Variants in MUC22 observed in about 807,000 individuals in gnomAD.
The protein encoded by MUC22 is mucin-22.
A neutral mutation model predicts 40.3 loss-of-function variants in MUC22; 24 were observed. The ratio of observed to expected loss-of-function variants is 0.60; its 90% CI spans 0.43 to 0.84. The LOEUF (loss-of-function observed/expected upper bound fraction) is 0.84, where lower values mean the gene tolerates loss of function less well. Ranked by LOEUF, MUC22 falls within the 40% of genes least tolerant of loss-of-function variation. The pLI is 0.00. For synonymous variants in MUC22, 765 were observed against 844.5 expected, an observed-to-expected ratio of 0.91 and a Z score of 1.63; for missense variants, 1,926 against 2,130.7, an observed-to-expected ratio of 0.90 and a Z score of 1.89.
At chr6:31,030,157 C>T in intron 2 of MUC22, 57 bp downstream of exon 2, 1 of 1,443,884 alleles carries the variant, frequency 6.9e-7, no homozygotes, top group South Asian at 1.4e-5. Flanking sequence ...TGGCAACCAC[C>T]AGCTGTTCAC....
In MUC22 at chr6:31,011,057, G is replaced by C. The variant is rs28360975; in HGVS notation, c.70+281G>C. Reference sequence around the variant, plus strand: ...GTGGGGCGGTGCTGGGGAAATGGAGGGGGGTGAGATTTTACTTTCCTTTGT... The same window carrying C: ...GTGGGGCGGTGCTGGGGAAATGGAGCGGGGTGAGATTTTACTTTCCTTTGT... On this transcript the variant is annotated intron_variant, in intron 1 of 3. Transcript: ENST00000561890. This position sits in a 1 kb window ranked among gnomAD's most constrained non-coding sequence, Gnocchi z 4.5. 3.3e-5 allele frequency among the ~76,000 whole-genome samples: 5 copies of C among 151,614 alleles called. No individual in the cohort carries two copies. Among genetic ancestry groups the C allele is most frequent in the Non-Finnish European group, 5.9e-5 (4 of 67,968 alleles).
At chr6:31,018,516 CA>C (rs1029511492) in intron 1 of MUC22, among the ~76,000 whole-genome samples, 1 of 127,792 alleles carries the variant, frequency 7.8e-6, no homozygotes, top group Non-Finnish European at 1.7e-5. Context: ...CTATTACCTT[CA>C]AAAAAACAAA....
intron 1 of MUC22, among the ~76,000 whole-genome samples, chr6:31,012,813 G>A (rs1292638593): frequency 6.6e-6 from 1 of 151,832 alleles, no homozygotes; most frequent in Non-Finnish European, 1.5e-5. Context: ...CCGTCTCAGG[G>A]GCTTTGCTCA....
At chr6:31,017,373 T>A (rs1449888864) in intron 1 of MUC22, among the ~76,000 whole-genome samples, 1 of 152,150 alleles carries the variant, frequency 6.6e-6, no homozygotes, top group African/African-American at 2.4e-5. Context: ...ATCAGCACCC[T>A]GTGTCTAGCT....
chr6:31,030,859 G>A (rs1766010878), intron 2 of MUC22, among the ~76,000 whole-genome samples: 1 of 152,186 alleles, frequency 6.6e-6, no homozygotes, highest in Admixed American at 6.5e-5. Context: ...GTTTTGTAAA[G>A]TTTTACTGGA....
At chr6:31,021,877 T>A (rs1438760354) in intron 1 of MUC22, among the ~76,000 whole-genome samples, 2 of 150,922 alleles carry the variant, frequency 1.3e-5, no homozygotes, top group African/African-American at 4.8e-5. Context: ...ACTTTGTTCT[T>A]TTGCTCTTTG....
At chr6:31,026,959 A>G in exon 2 of MUC22, 1 of 1,493,740 alleles carries the variant, frequency 6.7e-7, no homozygotes. Context: ...TGCAGCCTCT[A>G]CTGAAGATTC....
intron 1 of MUC22, among the ~76,000 whole-genome samples, chr6:31,012,142 C>G (rs1188375520): frequency 6.6e-6 from 1 of 152,188 alleles, no homozygotes; most frequent in African/African-American, 2.4e-5. Flanking sequence ...ATTGGCTCAT[C>G]CATTCCATTG....
chr6:31,014,606 T>C (rs1764070787), intron 1 of MUC22, among the ~76,000 whole-genome samples: 1 of 152,160 alleles, frequency 6.6e-6, no homozygotes, highest in South Asian at 2.1e-4. Flanking sequence ...TATGCACTGT[T>C]AGGGTAATGC....
exon 2 of MUC22, chr6:31,027,259 A>G: frequency 6.6e-7 from 1 of 1,512,686 alleles, no homozygotes; most frequent in Non-Finnish European, 8.8e-7. Flanking sequence ...CACAGCCTCC[A>G]TCATGGGCTC....
Position 31,032,472 on chromosome 6 carries a change from C to G in MUC22, c.4946C>G (p.Thr1649Arg). The G allele has an allele frequency of 6.5e-7, 1 of 1,535,718 alleles. No homozygotes were observed. Among genetic ancestry groups the G allele is most frequent in the Non-Finnish European group, 8.7e-7 (1 of 1,146,918 alleles). ...ACAGTTAGCATGAGCCACACACCCACAAACGTGATCAAACCAAGTGGATAT... is the reference window on the plus strand; with the variant it reads ...ACAGTTAGCATGAGCCACACACCCAGAAACGTGATCAAACCAAGTGGATAT... Residue 1649 changes from threonine to arginine, a missense_variant, in exon 3 of 4, where the codon ACA becomes AGA. Thr to Arg is a moderately conservative substitution (Grantham distance 71, BLOSUM62 -1). Around this residue, in one of 3 missense-constraint regions of MUC22, gnomAD observed 610 missense variants for 714.6 expected, o/e 0.85. Coordinates refer to ENST00000561890, the Ensembl canonical transcript of MUC22. The surrounding 1 kb of genome is among the most constrained non-coding windows in gnomAD (Gnocchi z 4.1).
At position 31,025,500 on chromosome 6, in the gene MUC22, A is replaced by T; in HGVS notation, c.71-2A>T. On this transcript the variant is annotated splice_acceptor_variant, in intron 1 of 3. Transcript: ENST00000561890. LOFTEE classifies it high-confidence loss of function. ...CACCACCTTATTTGTTCTCCACCTC[A>T]GGCTCTGAGAATACCACAGCCTTCA... 3 of 1,487,796 alleles carry T rather than the reference A, an allele frequency of 2.0e-6. No individual in the cohort carries two copies. Among genetic ancestry groups the T allele is most frequent in the Non-Finnish European group, 1.8e-6 (2 of 1,127,956 alleles). The allele number at this position is 1,487,796 out of a possible 1,614,324, so 92.2% of individuals were successfully genotyped here. A position where few individuals can be genotyped will look rare whatever the true frequency, so the allele number is the denominator to read the frequency against.
chr6:31,008,795 C>G (rs1487015822), upstream of MUC22, among the ~76,000 whole-genome samples: 1 of 152,100 alleles, frequency 6.6e-6, no homozygotes, highest in African/African-American at 2.4e-5. Flanking sequence ...AACCCGCCCA[C>G]CTTGGCTTCC....
chr6:31,030,871 C>T (rs1483993087), intron 2 of MUC22, among the ~76,000 whole-genome samples: 4 of 152,224 alleles, frequency 2.6e-5, no homozygotes, highest in African/African-American at 9.6e-5. Context: ...TTTACTGGAA[C>T]ATAGTCATGC....
intron 1 of MUC22, among the ~76,000 whole-genome samples, chr6:31,021,660 T>A (rs757707810): frequency 2.0e-5 from 3 of 152,032 alleles, no homozygotes; most frequent in Non-Finnish European, 2.9e-5. Context: ...TCTGTGTCCA[T>A]ATTCTGTATC....
chr6:31,018,973 C>T (rs9262497), intron 1 of MUC22, among the ~76,000 whole-genome samples: 67,825 of 152,020 alleles, frequency 0.45, 15,346 homozygotes, highest in East Asian at 0.55. Flanking sequence ...CCCAGACAAG[C>T]GATCTCAGTC....
chr6:31,008,371 C>A (rs1244085441), upstream of MUC22, among the ~76,000 whole-genome samples: 1 of 152,100 alleles, frequency 6.6e-6, no homozygotes, highest in African/African-American at 2.4e-5. Flanking sequence ...GCTTGAAGGG[C>A]CGAAGTCTTG....
chr6:31,031,019 G>C (rs1766022364), intron 2 of MUC22, among the ~76,000 whole-genome samples: 3 of 152,214 alleles, frequency 2.0e-5, no homozygotes, highest in African/African-American at 4.8e-5. Context: ...GCTCCAGTCT[G>C]AGACCAAACA....
At chr6:31,017,009 C>T (rs1461555248) in intron 1 of MUC22, among the ~76,000 whole-genome samples, 1 of 152,230 alleles carries the variant, frequency 6.6e-6, no homozygotes, top group Non-Finnish European at 1.5e-5. Flanking sequence ...CGCTCCAATT[C>T]TCGCCGGACC....
Sources: allele counts gnomAD v4.1 joint callset (sites outside exome capture counted in the v4.1 genomes callset), GRCh38; gene constraint gnomAD v4.1.1; regional missense constraint gnomAD v4.1.1; non-coding constraint Gnocchi (gnomAD v3.1); transcripts MANE v1.5; gene names NCBI Gene and HGNC (gene_info 2026-07-23, HGNC 2026-07-21).